The following HSDL2 variants were observed in gnomAD, a reference collection of about 807,000 sequenced individuals.
HSDL2 encodes hydroxysteroid dehydrogenase like 2, also known as hydroxysteroid dehydrogenase-like protein 2.
In HSDL2, 27 loss-of-function variants were observed where a neutral mutation model predicts 46.3. The ratio of observed to expected loss-of-function variants is 0.58; its 90% CI spans 0.43 to 0.80. The LOEUF (loss-of-function observed/expected upper bound fraction) is 0.80. HSDL2 is among the 30% of genes least tolerant of loss of function. The probability of loss-of-function intolerance (pLI) is 0.00; values close to 1 mark genes in which losing one functional copy is unlikely to be tolerated. For synonymous variants in HSDL2, 153 were observed against 163.6 expected, an observed-to-expected ratio of 0.94 and a Z score of 0.50; for missense variants, 451 against 502.7, an observed-to-expected ratio of 0.90 and a Z score of 0.98.
intron 9 of HSDL2, among the ~76,000 whole-genome samples, chr9:112,458,015 G>A (rs1263065391): frequency 1.3e-5 from 2 of 152,092 alleles, no homozygotes; most frequent in Non-Finnish European, 2.9e-5. Flanking sequence ...GTAGGATGAA[G>A]TCATTTAATC....
intron 4 of HSDL2, among the ~76,000 whole-genome samples, chr9:112,412,362 A>G (rs964896416): frequency 6.6e-6 from 1 of 152,214 alleles, no homozygotes; most frequent in African/African-American, 2.4e-5. Flanking sequence ...AGGCAGATTT[A>G]TCAAAACTAG....
At chr9:112,426,527 C>T (rs979777572) in intron 6 of HSDL2, among the ~76,000 whole-genome samples, 2 of 152,198 alleles carry the variant, frequency 1.3e-5, no homozygotes, top group African/African-American at 4.8e-5. Context: ...TGAGCCACTG[C>T]TCCTTGCCCT....
intron 1 of HSDL2, among the ~76,000 whole-genome samples, chr9:112,398,352 G>A (rs931976984): frequency 6.6e-6 from 1 of 151,956 alleles, no homozygotes; most frequent in African/African-American, 2.4e-5. Flanking sequence ...GCCATCAGAT[G>A]GCTCCGGAAG....
intron 10 of HSDL2, among the ~76,000 whole-genome samples, chr9:112,462,031 T>C (rs1040116678): frequency 3.3e-5 from 5 of 152,334 alleles, no homozygotes; most frequent in African/African-American, 1.2e-4. Context: ...CTTGTGCTTC[T>C]TATGTCCTTT....
chr9:112,465,599 T>C (rs1467097034), intron 10 of HSDL2, among the ~76,000 whole-genome samples: 1 of 152,224 alleles, frequency 6.6e-6, no homozygotes, highest in Admixed American at 6.5e-5. Flanking sequence ...CTAATCTGCT[T>C]TTTCTCTATT....
intron 9 of HSDL2, among the ~76,000 whole-genome samples, chr9:112,454,788 C>T (rs762944761): frequency 1.1e-4 from 16 of 152,032 alleles, no homozygotes; most frequent in Non-Finnish European, 2.1e-4. Context: ...TCACTGCAAC[C>T]TCTGCCTCCT....
intron 1 of HSDL2, among the ~76,000 whole-genome samples, chr9:112,389,330 C>T (rs1423724103): frequency 6.6e-6 from 1 of 152,054 alleles, no homozygotes; most frequent in Non-Finnish European, 1.5e-5. Flanking sequence ...CCTCAAATCA[C>T]TCTTAAGTGG....
intron 1 of HSDL2, among the ~76,000 whole-genome samples, chr9:112,402,214 T>C (rs886440767): frequency 1.3e-5 from 2 of 152,216 alleles, no homozygotes; most frequent in Admixed American, 6.5e-5. Context: ...TTTATTCTTT[T>C]AGTTTTTCTT....
chr9:112,430,013 G>A (rs1200942669), intron 6 of HSDL2, among the ~76,000 whole-genome samples: 2 of 151,844 alleles, frequency 1.3e-5, no homozygotes, highest in Admixed American at 6.6e-5. Context: ...AGCCTTAGGA[G>A]TTCAAGGCTG....
chr9:112,467,968 A>G (rs1266552561), intron 10 of HSDL2, among the ~76,000 whole-genome samples: 1 of 152,156 alleles, frequency 6.6e-6, no homozygotes, highest in Non-Finnish European at 1.5e-5. Flanking sequence ...CACATTGTCC[A>G]GTAGTTTCAT....
At position 112,435,421 on chromosome 9, in the gene HSDL2, G is replaced by C. The variant is rs954881907; in HGVS notation, c.599-3010G>C. ...AAAGTTCTGCAGTTTTCGGGAGTGA[G>C]ATGATAACTGAACTCCAAGAACTTT... On this transcript the variant is annotated intron_variant, in intron 6 of 10. Transcript: ENST00000398805. 2.0e-5 allele frequency among the ~76,000 whole-genome samples: 3 copies of C among 152,120 alleles called. No individual in the cohort carries two copies. In the East Asian group the frequency reaches 5.8e-4, roughly 29 times the overall value.
chr9:112,414,756 C>T (rs917428500), intron 4 of HSDL2, among the ~76,000 whole-genome samples: 1 of 152,138 alleles, frequency 6.6e-6, no homozygotes, highest in Non-Finnish European at 1.5e-5. Context: ...TTTGCCCCAC[C>T]TCACCTCACC....
Position 112,470,449 on chromosome 9 carries a change from A to G in HSDL2, c.1162A>G (p.Met388Val). 4 of 1,609,952 alleles carry G rather than the reference A, an allele frequency of 2.5e-6. No individual in the cohort carries two copies. The highest frequency in any genetic ancestry group is 1.1e-5 in the South Asian group (1 of 90,392). ...CATTTTAGGGAAACTAAAACCAACA[A>G]TGGCATTCATGTCAGGGAAATTGAA... ...KMFSGKLKPT[M>V]AFMSGKLKIK... Residue 388 changes from methionine to valine, a missense_variant, in exon 11 of 11, where the codon ATG becomes GTG. By Grantham distance (21) the Met-to-Val change is conservative. Coordinates refer to ENST00000398805, the MANE Select transcript of HSDL2 (RefSeq NM_032303.5).
chr9:112,450,112 C>A (rs1471960270), intron 8 of HSDL2, among the ~76,000 whole-genome samples: 1 of 152,024 alleles, frequency 6.6e-6, no homozygotes, highest in Non-Finnish European at 1.5e-5. Context: ...ATTTTGATAG[C>A]ATTTTAAATT....
At chr9:112,389,487 C>T (rs1831291850) in intron 1 of HSDL2, among the ~76,000 whole-genome samples, 1 of 151,972 alleles carries the variant, frequency 6.6e-6, no homozygotes, top group African/African-American at 2.4e-5. Context: ...ATTCTTGCAA[C>T]TTTAAATTTG....
At chr9:112,438,111 G>A (rs1353548698) in intron 6 of HSDL2, among the ~76,000 whole-genome samples, 2 of 152,056 alleles carry the variant, frequency 1.3e-5, no homozygotes, top group African/African-American at 2.4e-5. Context: ...CAGTGGTGGC[G>A]CACGCCTGTA....
intron 1 of HSDL2, among the ~76,000 whole-genome samples, chr9:112,381,975 C>T (rs532905808): frequency 7.2e-5 from 11 of 152,164 alleles, no homozygotes; most frequent in East Asian, 1.9e-4. Flanking sequence ...CAGTGGCTCA[C>T]GCCTGTAGTC....
intron 8 of HSDL2, among the ~76,000 whole-genome samples, chr9:112,443,503 C>A (rs978376351): frequency 1.3e-5 from 2 of 152,168 alleles, no homozygotes; most frequent in Non-Finnish European, 1.5e-5. Context: ...CACTTGAATA[C>A]TTAGTCTTTT....
chr9:112,466,832 C>A (rs1026617635), intron 10 of HSDL2, among the ~76,000 whole-genome samples: 2 of 151,882 alleles, frequency 1.3e-5, no homozygotes, highest in African/African-American at 4.8e-5. Context: ...GTTTATGATC[C>A]ATTTTAAGTT....
Sources: allele counts gnomAD v4.1 joint callset (sites outside exome capture counted in the v4.1 genomes callset), GRCh38; gene constraint gnomAD v4.1.1; transcripts MANE v1.5; gene names NCBI Gene and HGNC (gene_info 2026-07-23, HGNC 2026-07-21).